Variants in KLRC1 observed in about 807,000 individuals in gnomAD.
The protein encoded by KLRC1 is NKG2-A/NKG2-B type II integral membrane protein.
KLRC1 carries 22 observed loss-of-function variants against 25.9 expected under a neutral mutation model. The ratio of observed to expected loss-of-function variants is 0.85; its 90% CI spans 0.61 to 1.21. The LOEUF (loss-of-function observed/expected upper bound fraction) is 1.21. KLRC1 is among the 50% of genes most tolerant of loss of function. KLRC1 has a pLI of 0.00. For synonymous variants in KLRC1, 77 were observed against 93.1 expected, an observed-to-expected ratio of 0.83 and a Z score of 0.99; for missense variants, 240 against 272.2, an observed-to-expected ratio of 0.88 and a Z score of 0.83.
At chr12:10,449,478 C>A (rs2734440) in intron 4 of KLRC1, 90 bp from the exon 5 acceptor site, 2 of 1,554,412 alleles carry the variant, frequency 1.3e-6, no homozygotes, top group Non-Finnish European at 1.7e-6. Flanking sequence ...TAAACCTATA[C>A]GTATGCAACA....
rs763462734 is a variant in KLRC1, at chr12:10,450,607, G to A, written c.188-28C>T. The A allele has an allele frequency of 3.8e-5, 52 of 1,354,372 alleles. No individual in the cohort carries two copies. In the South Asian group the frequency reaches 4.8e-4, roughly 12 times the overall value. The allele number at this position is 1,354,372 out of a possible 1,614,324, so 83.9% of individuals were successfully genotyped here. On this transcript the variant is annotated intron_variant, in intron 2 of 6. Transcript: ENST00000359151. The stretch of plus-strand genomic sequence containing the variant: ...GCAGGGAGAGAAATGGGAACAGTGC[G>A]AAAGGAGAGGTGGATACAGTCGTTT...
At chr12:10,447,488 C>T in intron 6 of KLRC1, 44 bp downstream of exon 6, 1 of 1,397,438 alleles carries the variant, frequency 7.2e-7, no homozygotes, top group Non-Finnish European at 9.9e-7. Context: ...TGAATTTATC[C>T]TTTATATATA....
chr12:10,453,638 GC>G (rs1472898251), upstream of KLRC1, among the ~76,000 whole-genome samples: 2 of 151,952 alleles, frequency 1.3e-5, no homozygotes, highest in South Asian at 4.2e-4. Flanking sequence ...AGACTAGGTT[GC>G]TAAATCTTAA....
chr12:10,446,827 C>T (rs572515518), intron 6 of KLRC1, among the ~76,000 whole-genome samples, 165 bp from the exon 7 acceptor site: 2 of 152,250 alleles, frequency 1.3e-5, no homozygotes, highest in Non-Finnish European at 2.9e-5. Context: ...AGAGTAGTCC[C>T]CCTTCATCCA....
chr12:10,452,277 T>C (rs1163991813), intron 1 of KLRC1, among the ~76,000 whole-genome samples: 2 of 152,166 alleles, frequency 1.3e-5, no homozygotes, highest in South Asian at 4.1e-4. Context: ...ACTTATAGAA[T>C]GATTTTATGG....
chr12:10,450,499 T>C lies in KLRC1; in HGVS notation c.268A>G (p.Ile90Val). The C allele has an allele frequency of 1.3e-6, 2 of 1,598,132 alleles. No homozygotes were observed. Among genetic ancestry groups the C allele is most frequent in the Non-Finnish European group, 1.7e-6 (2 of 1,166,018 alleles). ...CLILMASVVT[I>V]VVIPSTLIQR... ...ATAGACTTACAGGGAATAACAACTATCGTTACCACAGAGGCCATTAAGATA... is the reference window on the plus strand; with the variant it reads ...ATAGACTTACAGGGAATAACAACTACCGTTACCACAGAGGCCATTAAGATA... Residue 90 changes from isoleucine to valine, a missense_variant, in exon 3 of 7, where the codon ATA becomes GTA. By Grantham distance (29) the Ile-to-Val change is conservative. Coordinates refer to ENST00000359151, the MANE Select transcript of KLRC1 (RefSeq NM_002259.5).
In KLRC1 at chr12:10,446,269, G is replaced by T. The variant is rs1327644901; in HGVS notation, c.*282C>A. ...ACTATTCTACTTTCTGTCTCCATGGGTTTGACTGTTCTTGGTACTTCCTAT... is the reference window on the plus strand; with the variant it reads ...ACTATTCTACTTTCTGTCTCCATGGTTTTGACTGTTCTTGGTACTTCCTAT... On this transcript the variant is annotated 3_prime_UTR_variant, in exon 7 of 7. Transcript: ENST00000359151. The T allele has an allele frequency of 3.1e-6, 2 of 647,312 alleles. No individual in the cohort carries two copies. The highest frequency in any genetic ancestry group is 4.1e-6 in the Non-Finnish European group (2 of 482,748). The allele number at this position is 647,312 out of a possible 1,614,324, so 40.1% of individuals were successfully genotyped here.
chr12:10,452,175 A>G (rs1864139335), intron 1 of KLRC1, among the ~76,000 whole-genome samples: 1 of 152,144 alleles, frequency 6.6e-6, no homozygotes, highest in Non-Finnish European at 1.5e-5. Flanking sequence ...TAATTTAATT[A>G]GTAATTGGTA....
intron 4 of KLRC1, among the ~76,000 whole-genome samples, chr12:10,449,702 T>G (rs61917722): frequency 0.019 from 2,863 of 152,280 alleles, 44 homozygotes; most frequent in South Asian, 0.039. Context: ...TCTTATCATA[T>G]TATAGCAGTA....
chr12:10,452,487 AACAT>A (rs2137900721), intron 1 of KLRC1, among the ~76,000 whole-genome samples: 1 of 152,294 alleles, frequency 6.6e-6, no homozygotes, highest in Admixed American at 6.5e-5. Flanking sequence ...TGGGCATAAG[AACAT>A]ATAAAACGTT....
chr12:10,446,600 G>A lies in KLRC1; in HGVS notation c.653C>T (p.Ser218Leu). 2 of 1,613,946 alleles carry A rather than the reference G, an allele frequency of 1.2e-6. No homozygotes were observed. Among genetic ancestry groups the A allele is most frequent in the Non-Finnish European group, 1.7e-6 (2 of 1,179,910 alleles). The change falls in exon 7 of 7, where the codon TCA (serine) becomes TTA (leucine). Residue 218 changes from serine (S) to leucine (L), a missense_variant. Transcript: ENST00000359151. ...CAVLQVNRLK[S>L]AQCGSSIIYH... ...TATTATTGAAGATCCACACTGGGCT[G>A]ATTTAAGTCGATTTACTTGTAGCAC...
chr12:10,445,214 G>A (rs1355795635), downstream of KLRC1, among the ~76,000 whole-genome samples: 5 of 151,924 alleles, frequency 3.3e-5, no homozygotes, highest in East Asian at 1.9e-4. Context: ...CACCACACCC[G>A]GCCAGCACTG....
intron 2 of KLRC1, 60 bp from the exon 3 acceptor site, chr12:10,450,639 TTCACAGAC>T (rs1864104053): frequency 9.2e-7 from 1 of 1,085,956 alleles, no homozygotes; most frequent in Admixed American, 1.8e-5. Context: ...GTTTAGAAGA[TTCACAGAC>T]AAGAGAACCT....
intron 5 of KLRC1, 140 bp from the exon 6 acceptor site, chr12:10,447,772 A>C: frequency 3.1e-6 from 2 of 654,564 alleles, no homozygotes; most frequent in Non-Finnish European, 5.1e-6. Context: ...TGAACCCGTC[A>C]ATGTTTATAC....
upstream of KLRC1, among the ~76,000 whole-genome samples, chr12:10,453,695 A>G (rs1463495939): frequency 1.3e-5 from 2 of 152,046 alleles, no homozygotes; most frequent in Non-Finnish European, 2.9e-5. Context: ...TGTCACTTCC[A>G]TTATAATAGA....
chr12:10,451,189 TATA>T lies in KLRC1; in HGVS notation c.-31-5_-31-3del, dbSNP rs750405959. ...GTGTGTGATGTCAGGGACTGTACTCTATAATAACAGTAGTTAAGAAGTTAATAA... is the reference window on the plus strand; with the variant it reads ...GTGTGTGATGTCAGGGACTGTACTCTATAACAGTAGTTAAGAAGTTAATAA... On this transcript the variant is annotated splice_region_variant and splice_polypyrimidine_tract_variant and intron_variant, in intron 1 of 6. Coordinates refer to ENST00000359151, the MANE Select transcript of KLRC1 (RefSeq NM_002259.5). 5.6e-5 allele frequency: 86 copies of T among 1,538,004 alleles called. No individual in the cohort carries two copies. Among genetic ancestry groups the T allele is most frequent in the Non-Finnish European group, 7.5e-5 (85 of 1,139,788 alleles).
upstream of KLRC1, chr12:10,454,670 A>G (rs1229601237): frequency 5.2e-6 from 5 of 968,180 alleles, no homozygotes; most frequent in East Asian, 5.7e-4. Context: ...TCTCCACTCA[A>G]ACTCCTCTCA....
In KLRC1 at chr12:10,449,945, G is replaced by A; in HGVS notation, c.306C>T (p.Asn102=). Residue 102 remains asparagine, a synonymous_variant, in exon 4 of 7, where the codon AAC becomes AAT. Coordinates refer to ENST00000359151, the MANE Select transcript of KLRC1 (RefSeq NM_002259.5). ...GAGTTCTTGTATTCAGGGAAGAATT[G>A]TTGTGCCTCTGTATTAATGTAGCTA... ...VIPSTLIQRH[N]NSSLNTRTQK... 6.7e-7 allele frequency: 1 copy of A among 1,491,792 alleles called. No individual in the cohort carries two copies. The highest frequency in any genetic ancestry group is 8.9e-7 in the Non-Finnish European group (1 of 1,117,772). 92.4% of individuals were successfully genotyped at this position (1,491,792 alleles called of 1,614,324 possible). A position where few individuals can be genotyped will look rare whatever the true frequency, so the allele number is the denominator to read the frequency against.
In KLRC1 at chr12:10,446,669, T is replaced by G. The variant is rs768044829; in HGVS notation, c.591-7A>C. ...ATTATCTGAGTCTTTTATCCTGTAA[T>G]GGAGAAAAATCCATATTCTGTTACA... is the stretch of plus-strand genomic sequence containing the variant. On this transcript the variant is annotated splice_polypyrimidine_tract_variant and splice_region_variant and intron_variant, in intron 6 of 6. Coordinates refer to ENST00000359151, the MANE Select transcript of KLRC1 (RefSeq NM_002259.5). 6.2e-7 allele frequency: 1 copy of G among 1,613,384 alleles called. No individual in the cohort carries two copies. Among genetic ancestry groups the G allele is most frequent in the Non-Finnish European group, 8.5e-7 (1 of 1,179,404 alleles).
Sources: allele counts gnomAD v4.1 joint callset (sites outside exome capture counted in the v4.1 genomes callset), GRCh38; gene constraint gnomAD v4.1.1; transcripts MANE v1.5; gene names NCBI Gene and HGNC (gene_info 2026-07-23, HGNC 2026-07-21).